The following TUBGCP6 variants were observed in gnomAD, a reference collection of about 807,000 sequenced individuals.
TUBGCP6 encodes the protein gamma-tubulin complex component 6.
TUBGCP6 carries 161 observed loss-of-function variants against 175.8 expected under a neutral mutation model. The ratio of observed to expected loss-of-function variants is 0.92; its 90% CI spans 0.81 to 1.04. The LOEUF is 1.04. Ranked by LOEUF, TUBGCP6 falls within the 50% of genes least tolerant of loss-of-function variation. The pLI, the probability that TUBGCP6 is intolerant of heterozygous loss-of-function variation, is 0.00. For synonymous variants in TUBGCP6, 1,173 were observed against 1,030.5 expected (o/e 1.14, Z -2.65); for missense variants, 2,572 against 2,433.0 (o/e 1.06, Z -1.20).
Position 50,221,854 on chromosome 22 carries a change from C to T in TUBGCP6, c.2505G>A (p.Glu835=), listed in dbSNP as rs774639837. 3.3e-6 allele frequency: 5 copies of T among 1,512,066 alleles called. No homozygotes were observed. In the Admixed American group the frequency reaches 1.1e-4, roughly 33 times the overall value. 93.7% of individuals were successfully genotyped at this position (1,512,066 alleles called of 1,614,324 possible). The change falls in exon 16 of 25, where the codon GAG becomes GAA. Residue 835 remains glutamate (E), a synonymous_variant. Transcript: ENST00000248846. ...VHPQVTSPGP[E]HPEGGQGCDS... ...CACAGCCTTGGCCTCCCTCTGGGTG[C>T]TCAGGGCCCGGAGACGTGACCTGAA...
chr22:50,220,519 C>G lies in TUBGCP6; in HGVS notation c.3840G>C (p.Gly1280=). 1 of 1,613,560 alleles carries G rather than the reference C, an allele frequency of 6.2e-7. No homozygotes were observed. Among genetic ancestry groups the G allele is most frequent in the Non-Finnish European group, 8.5e-7 (1 of 1,180,024 alleles). The change falls in exon 16 of 25, where the codon GGG becomes GGC. Residue 1280 remains glycine (G), a synonymous_variant. Coordinates refer to ENST00000248846, the MANE Select transcript of TUBGCP6 (RefSeq NM_020461.4). ...TGGGCTCAGCTTCTGGTGAGAGAGCCCCCAGCACCATGTGGGGCGGAGGGA... is the reference window on the plus strand; with the variant it reads ...TGGGCTCAGCTTCTGGTGAGAGAGCGCCCAGCACCATGTGGGGCGGAGGGA... ...VPIPPPHMVL[G]ALSPEAEPNT...
At chr22:50,225,161 C>T (rs2064587457) in intron 10 of TUBGCP6, among the ~76,000 whole-genome samples, 1 of 149,756 alleles carries the variant, frequency 6.7e-6, no homozygotes, top group African/African-American at 2.5e-5. Flanking sequence ...GGCTGAGGAC[C>T]CCAAGGCTGT....
In TUBGCP6 at chr22:50,231,448, C is replaced by T. The variant is rs563785457; in HGVS notation, c.1116+1868G>A. ...CAGCCTGGGCGACAGAGTGAGAATC[C>T]GTCTCAAAAAGAAAAAAAAAATACA... is the stretch of plus-strand genomic sequence containing the variant. On this transcript the variant is annotated intron_variant, in intron 3 of 24. Coordinates refer to ENST00000248846, the MANE Select transcript of TUBGCP6 (RefSeq NM_020461.4). Among the ~76,000 whole-genome samples, 44 of 150,294 alleles carry T rather than the reference C, an allele frequency of 2.9e-4. 1 individual carries two copies. The South Asian group carries it at 8.5e-3, about 29-fold the overall frequency.
chr22:50,218,808 C>G lies in TUBGCP6; in HGVS notation c.4716G>C (p.Gly1572=), dbSNP rs138735427. 4.3e-6 allele frequency: 7 copies of G among 1,613,992 alleles called. No homozygotes were observed. In the African/African-American group the frequency reaches 6.7e-5, roughly 15 times the overall value. ...AGAGGTTGGAGGCGTGCGGGGTGTC[C>G]CCATGCAGGCTGCACTGCAGGGCCT... ...LSKALQCSLH[G]DTPHASNLSL... is the part of the protein sequence containing the mutation. Residue 1572 remains glycine (G), a synonymous_variant, in exon 21 of 25, where the codon GGG becomes GGC. Transcript: ENST00000248846.
Position 50,217,750 on chromosome 22 carries a change from A to G in TUBGCP6, c.5446T>C (p.Tyr1816His), listed in dbSNP as rs776207916. ...FLLRINFNNY[Y>H]QDA Reference sequence around the variant, plus strand: ...GCAGAGCAGCCTCAGGCGTCCTGGTAGTAGTTGTTGAAGTTGATGCGCAGC... The same window carrying G: ...GCAGAGCAGCCTCAGGCGTCCTGGTGGTAGTTGTTGAAGTTGATGCGCAGC... Residue 1816 changes from tyrosine (Y) to histidine (H), a missense_variant, in exon 25 of 25, where the codon TAC (tyrosine) becomes CAC (histidine). Physicochemically the swap from Tyr to His is moderately conservative, Grantham distance 83. Transcript: ENST00000248846. 5.0e-6 allele frequency: 8 copies of G among 1,613,736 alleles called. No individual in the cohort carries two copies. The highest frequency in any genetic ancestry group is 3.3e-5 in the Admixed American group (2 of 59,976).
At position 50,240,317 on chromosome 22, in the gene TUBGCP6, G is replaced by A; in HGVS notation, c.792C>T (p.Ser264=). 6.2e-7 allele frequency: 1 copy of A among 1,613,986 alleles called. No homozygotes were observed. Among genetic ancestry groups the A allele is most frequent in the Non-Finnish European group, 8.5e-7 (1 of 1,180,040 alleles). Residue 264 remains serine, a synonymous_variant, in exon 2 of 25, where the codon TCC becomes TCT. Transcript: ENST00000248846. ...CAGACTGGGAATCAGGAGTCAAGTT[G>A]GACGCTGACTGGAATCCTTCGTCTT... is the stretch of plus-strand genomic sequence containing the variant. ...QWEDEGFQSA[S]NLTPDSQSEP...
intron 10 of TUBGCP6, among the ~76,000 whole-genome samples, chr22:50,224,822 G>A (rs2147185851): frequency 6.6e-6 from 1 of 152,278 alleles, no homozygotes; most frequent in African/African-American, 2.4e-5. Context: ...GGGAGCTTAG[G>A]CAGGAGGATC....
rs149651502 is a variant in TUBGCP6 at position 50,220,834 on chromosome 22, C to G, written c.3525G>C (p.Val1175=). The part of the protein sequence containing the change: ...SDASISLGES[V]SDMAPARPRW... ...GTGGCCGGGCGGGAGCCATGTCTGA[C>G]ACAGACTCCCCCAAGCTGATGCTGG... The change falls in exon 16 of 25, where the codon GTG becomes GTC. Residue 1175 remains valine (V), a synonymous_variant. Transcript: ENST00000248846. 1.4e-5 allele frequency: 22 copies of G among 1,601,608 alleles called. No individual in the cohort carries two copies. Among genetic ancestry groups the G allele is most frequent in the Non-Finnish European group, 1.8e-5 (21 of 1,174,478 alleles).
chr22:50,238,159 C>G (rs575032798), intron 2 of TUBGCP6, among the ~76,000 whole-genome samples: 19 of 138,034 alleles, frequency 1.4e-4, no homozygotes, highest in East Asian at 6.8e-4. Flanking sequence ...GAGAGAGAGA[C>G]AGACAGACAG....
rs1255823872 is a variant in TUBGCP6, at chr22:50,221,163, T to C, written c.3196A>G (p.Asn1066Asp). 1 of 1,604,628 alleles carries C rather than the reference T, an allele frequency of 6.2e-7. No homozygotes were observed. Among genetic ancestry groups the C allele is most frequent in the Non-Finnish European group, 8.5e-7 (1 of 1,174,130 alleles). ...VSDASIRVGENVSDVAPTQPR... is the reference protein window; with the variant it reads ...VSDASIRVGEDVSDVAPTQPR... ...TGGGTGGGAGCCACATCTGACACAT[T>C]CTCCCCGACCCTGATGCTGGCGTCA... is the stretch of plus-strand genomic sequence containing the variant. Residue 1066 changes from asparagine (N) to aspartate (D), a missense_variant, in exon 16 of 25, where the codon AAT becomes GAT. By Grantham distance (23) the Asn-to-Asp change is conservative. Transcript: ENST00000248846.
At position 50,235,022 on chromosome 22, in the gene TUBGCP6, C is replaced by G. The variant is rs73893145; in HGVS notation, c.906-1496G>C. On this transcript the variant is annotated intron_variant, in intron 2 of 24. Transcript: ENST00000248846. ...CACCCCTATCCACGGCAGCATCCACCCCCTGTCCACGGCAGCATCAGCCAC... is the reference window on the plus strand; with the variant it reads ...CACCCCTATCCACGGCAGCATCCACGCCCTGTCCACGGCAGCATCAGCCAC... 7.5e-3 allele frequency among the ~76,000 whole-genome samples: 1,113 copies of G among 149,252 alleles called. 11 individuals carry two copies. The highest frequency in any genetic ancestry group is 0.026 in the African/African-American group (1,069 of 40,422).
intron 2 of TUBGCP6, among the ~76,000 whole-genome samples, chr22:50,234,253 C>T (rs1431688559): frequency 1.5e-4 from 21 of 136,794 alleles, no homozygotes; most frequent in Non-Finnish European, 9.3e-5. Flanking sequence ...CCTCTGTCCA[C>T]GGAAGCATCA....
chr22:50,243,956 C>G lies in TUBGCP6; in HGVS notation c.504G>C (p.Glu168Asp). 6.2e-7 allele frequency: 1 copy of G among 1,614,192 alleles called. No individual in the cohort carries two copies. Among genetic ancestry groups the G allele is most frequent in the Non-Finnish European group, 8.5e-7 (1 of 1,180,052 alleles). The stretch of plus-strand genomic sequence containing the variant: ...CCTGGATCATGCTGTGACACAAACA[C>G]TCTTCTCTGGAGATCAGAGACTGAA... ...MDVQSLISRE[E>D]CLCHSMIQET... Residue 168 changes from glutamate (E) to aspartate (D), a missense_variant, in exon 1 of 25, where the codon GAG becomes GAC. Transcript: ENST00000248846.
At position 50,221,355 on chromosome 22, in the gene TUBGCP6, T is replaced by A; in HGVS notation, c.3004A>T (p.Thr1002Ser). ...MDACGSASRE[T>S]LLPSHPPRRA... is the part of the protein sequence containing the mutation. ...CTGGGTGGGTGTGAGGGGAGCAGAG[T>A]CTCCCGCGAGGCGGAGCCACAGGCA... The change falls in exon 16 of 25, where the codon ACT (threonine) becomes TCT (serine). Residue 1002 changes from threonine to serine, a missense_variant. Physicochemically the swap from Thr to Ser is moderately conservative, Grantham distance 58 (BLOSUM62 1). Coordinates refer to ENST00000248846, the MANE Select transcript of TUBGCP6 (RefSeq NM_020461.4). 1 of 1,612,156 alleles carries A rather than the reference T, an allele frequency of 6.2e-7. No individual in the cohort carries two copies. The highest frequency in any genetic ancestry group is 1.3e-5 in the African/African-American group (1 of 75,008).
intron 4 of TUBGCP6, 120 bp from the exon 5 acceptor site, chr22:50,228,148 T>C (rs2064639941): frequency 2.4e-6 from 3 of 1,247,978 alleles, no homozygotes; most frequent in Non-Finnish European, 3.2e-6. Flanking sequence ...CTGGGCTCCA[T>C]TTCCAAGCAA....
In TUBGCP6 at chr22:50,218,380, G is replaced by A; in HGVS notation, c.4977C>T (p.Gly1659=). ...GCTGCAGCTGACGGAACTGCACAGAGCCGGCCATGTGGCTCAGCAGGGCTG... is the reference window on the plus strand; with the variant it reads ...GCTGCAGCTGACGGAACTGCACAGAACCGGCCATGTGGCTCAGCAGGGCTG... ...KRTALLSHMA[G]SVQFRQLQLF... Residue 1659 remains glycine (G), a synonymous_variant, in exon 23 of 25, where the codon GGC becomes GGT. Coordinates refer to ENST00000248846, the MANE Select transcript of TUBGCP6 (RefSeq NM_020461.4). 2 of 1,613,082 alleles carry A rather than the reference G, an allele frequency of 1.2e-6. No individual in the cohort carries two copies. Among genetic ancestry groups the A allele is most frequent in the Middle Eastern group, 1.6e-4 (1 of 6,062 alleles).
intron 3 of TUBGCP6, among the ~76,000 whole-genome samples, chr22:50,230,755 G>C (rs1219117281): frequency 6.7e-6 from 1 of 150,134 alleles, no homozygotes; most frequent in Non-Finnish European, 1.5e-5. Context: ...CTCCAGCCTG[G>C]GTGATCCTGT....
rs539399645 is a variant in TUBGCP6, at chr22:50,239,845, A to G, written c.905+359T>C. Among the ~76,000 whole-genome samples, 4 of 152,304 alleles carry G rather than the reference A, an allele frequency of 2.6e-5. No homozygotes were observed. In the South Asian group the frequency reaches 6.2e-4, roughly 24 times the overall value. ...AGGCAGCTCTCTTGCTCTTAAGGAC[A>G]TAACTTAGCTGCCCCAACTGCTCTG... On this transcript the variant is annotated intron_variant, in intron 2 of 24. Coordinates refer to ENST00000248846, the MANE Select transcript of TUBGCP6 (RefSeq NM_020461.4).
intron 3 of TUBGCP6, among the ~76,000 whole-genome samples, chr22:50,232,645 C>T (rs1268434304): frequency 6.6e-6 from 1 of 152,216 alleles, no homozygotes; most frequent in African/African-American, 2.4e-5. Context: ...GTGTTGAGAA[C>T]AGGCGCCCTC....
Sources: allele counts gnomAD v4.1 joint callset (sites outside exome capture counted in the v4.1 genomes callset), GRCh38; gene constraint gnomAD v4.1.1; transcripts MANE v1.5; gene names NCBI Gene and HGNC (gene_info 2026-07-23, HGNC 2026-07-21).